ABCC10: variants seen among roughly 807,000 people sequenced by gnomAD.
ABCC10 encodes ATP-binding cassette sub-family C member 10.
In ABCC10, 110 loss-of-function variants were observed where a neutral mutation model predicts 143.2. The ratio of observed to expected loss-of-function variants is 0.77; its 90% CI spans 0.66 to 0.90. ABCC10 has a LOEUF of 0.90. Among genes scored for constraint, ABCC10 ranks in the 40% least tolerant of loss-of-function variants. ABCC10 has a pLI of 0.00. For missense variants in ABCC10, 1,700 were observed against 1,900.5 expected (o/e 0.89, Z 1.96); for synonymous variants, 805 against 846.7 (o/e 0.95, Z 0.85).
intron 4 of ABCC10, 100 bp downstream of exon 4, chr6:43,434,948 C>T: frequency 8.0e-7 from 1 of 1,251,128 alleles, no homozygotes; most frequent in Non-Finnish European, 1.1e-6. Context: ...AGGGAGGGAT[C>T]CCTGACTGCC....
chr6:43,448,839 G>T, intron 18 of ABCC10, 42 bp from the exon 19 acceptor site: 7 of 1,570,512 alleles, frequency 4.5e-6, no homozygotes, highest in Non-Finnish European at 6.0e-6. Context: ...AGCAGAAGTG[G>T]CTACATCTCC....
chr6:43,428,401 C>T (rs1780734089), intron 2 of ABCC10, among the ~76,000 whole-genome samples: 1 of 152,118 alleles, frequency 6.6e-6, no homozygotes, highest in Admixed American at 6.5e-5. Context: ...TTTAAAGGTC[C>T]GATGAGTATC....
rs1780683101 is a variant in ABCC10, at chr6:43,427,975, G to A, written c.-4G>A. On this transcript the variant is annotated 5_prime_UTR_variant, in exon 2 of 22. Transcript: ENST00000372530. Reference sequence around the variant, plus strand: ...CCTCAACTTTCCCTTCAGGTGAGGCGTCCATGGAACGACTTCTGGCCCAGC... The same window carrying A: ...CCTCAACTTTCCCTTCAGGTGAGGCATCCATGGAACGACTTCTGGCCCAGC... The A allele has an allele frequency of 1.2e-6, 2 of 1,612,126 alleles. No individual in the cohort carries two copies. Among genetic ancestry groups the A allele is most frequent in the East Asian group, 2.2e-5 (1 of 44,854 alleles).
At position 43,438,650 on chromosome 6, in the gene ABCC10, G is replaced by A. The variant is rs200082411; in HGVS notation, c.1982G>A (p.Gly661Glu). The A allele has an allele frequency of 6.2e-6, 10 of 1,614,130 alleles. No individual in the cohort carries two copies. The East Asian group carries it at 6.7e-5, about 11-fold the overall frequency. ...HRLRGHVAVRGLSKGFGLATQ... is the reference protein window; with the variant it reads ...HRLRGHVAVRELSKGFGLATQ... ...CTGCGTGGGCATGTGGCAGTGCGGG[G>A]GCTGTCCAAGGGCTTTGGCCTGGCC... Residue 661 changes from glycine (G) to glutamate (E), a missense_variant, in exon 8 of 22, where the codon GGG becomes GAG. Coordinates refer to ENST00000372530, the MANE Select transcript of ABCC10 (RefSeq NM_001198934.2).
chr6:43,451,477 A>G (rs1023858563), downstream of ABCC10, among the ~76,000 whole-genome samples: 9 of 152,360 alleles, frequency 5.9e-5, no homozygotes, highest in African/African-American at 2.2e-4. This position sits in a 1 kb window ranked among gnomAD's most constrained non-coding sequence, Gnocchi z 4.4. Context: ...ATGTCAAGCC[A>G]TTAGCACAGG....
chr6:43,445,234 C>A lies in ABCC10; in HGVS notation c.2950C>A (p.Leu984Ile). 1 of 1,614,136 alleles carries A rather than the reference C, an allele frequency of 6.2e-7. No individual in the cohort carries two copies. The highest frequency in any genetic ancestry group is 8.5e-7 in the Non-Finnish European group (1 of 1,180,018). Residue 984 changes from leucine to isoleucine, a missense_variant, in exon 14 of 22, where the codon CTC (leucine) becomes ATC (isoleucine). Coordinates refer to ENST00000372530, the MANE Select transcript of ABCC10 (RefSeq NM_001198934.2). ...TGGTGTAAATTCCCTCTGCACCCTT[C>A]TCCGGGCAGTGCTCTTTGCAGCAGG... ...IAGVNSLCTL[L>I]RAVLFAAGTL... is the part of the protein sequence containing the mutation.
In ABCC10 at chr6:43,445,856, C is replaced by G. The variant is rs372401088; in HGVS notation, c.3288C>G (p.Gly1096=). 1.1e-5 allele frequency: 18 copies of G among 1,614,004 alleles called. No homozygotes were observed. Among genetic ancestry groups the G allele is most frequent in the Admixed American group, 1.7e-5 (1 of 60,008 alleles). Residue 1096 remains glycine, a synonymous_variant, in exon 15 of 22, where the codon GGC becomes GGG. Transcript: ENST00000372530. The part of the protein sequence containing the change: ...RASSRELRRL[G]SLTLSPLYSH... ...CCTCACGGGAGCTGCGGCGCCTGGG[C>G]AGCCTCACCCTGTCTCCACTGTATA... is the stretch of plus-strand genomic sequence containing the variant.
In ABCC10 at chr6:43,450,329, G is replaced by C. The variant is rs1173228460; in HGVS notation, c.*238G>C. Reference sequence around the variant, plus strand: ...CTCTTGCATCTGGAACGCCAGGTGGGTTTTTCTGGCATAGGAGCCCACTTG... The same window carrying C: ...CTCTTGCATCTGGAACGCCAGGTGGCTTTTTCTGGCATAGGAGCCCACTTG... On this transcript the variant is annotated 3_prime_UTR_variant, in exon 22 of 22. Transcript: ENST00000372530. The surrounding 1 kb of genome is among the most constrained non-coding windows in gnomAD (Gnocchi z 4.5). 1 of 883,528 alleles carries C rather than the reference G, an allele frequency of 1.1e-6. No individual in the cohort carries two copies. The highest frequency in any genetic ancestry group is 3.4e-5 in the Admixed American group (1 of 29,086). The allele number at this position is 883,528 out of a possible 1,614,324, so 54.7% of individuals were successfully genotyped here. A position where few individuals can be genotyped will look rare whatever the true frequency, so the allele number is the denominator to read the frequency against.
chr6:43,437,714 C>T (rs1440811419), intron 6 of ABCC10, among the ~76,000 whole-genome samples: 1 of 152,166 alleles, frequency 6.6e-6, no homozygotes, highest in Non-Finnish European at 1.5e-5. Flanking sequence ...GACAGTGAAA[C>T]TGATAGCCAC....
chr6:43,437,048 C>T (rs956033743), intron 6 of ABCC10, among the ~76,000 whole-genome samples: 7 of 152,100 alleles, frequency 4.6e-5, no homozygotes, highest in Admixed American at 1.3e-4. Context: ...AAGGCAGGAA[C>T]GCAGCTGGAT....
rs745674871 is a variant in ABCC10, at chr6:43,432,502, G to T, written c.522G>T (p.Leu174Phe). 1 of 1,612,126 alleles carries T rather than the reference G, an allele frequency of 6.2e-7. No homozygotes were observed. Among genetic ancestry groups the T allele is most frequent in the Non-Finnish European group, 8.5e-7 (1 of 1,180,032 alleles). ...LLPGPMARLC[L>F]LILQLAALLA... ...CAGGGCCCATGGCCCGCCTATGCTTGCTCATCCTGCAGCTGGCTGCACTCT... is the reference window on the plus strand; with the variant it reads ...CAGGGCCCATGGCCCGCCTATGCTTTCTCATCCTGCAGCTGGCTGCACTCT... Residue 174 changes from leucine to phenylalanine, a missense_variant, in exon 3 of 22, where the codon TTG becomes TTT. Transcript: ENST00000372530.
chr6:43,446,550 G>A, intron 16 of ABCC10, 104 bp downstream of exon 16: 1 of 1,457,678 alleles, frequency 6.9e-7, no homozygotes, highest in Non-Finnish European at 9.0e-7. Flanking sequence ...CTCCCACCCA[G>A]GGTTCCCTGT....
chr6:43,451,313 C>T, downstream of ABCC10: 2 of 1,594,932 alleles, frequency 1.3e-6, no homozygotes, highest in Non-Finnish European at 1.7e-6. This position sits in a 1 kb window ranked among gnomAD's most constrained non-coding sequence, Gnocchi z 4.4. Flanking sequence ...AACCAACTTA[C>T]CAACACCTGT....
Position 43,443,031 on chromosome 6 carries a change from A to G in ABCC10, c.2288A>G (p.His763Arg), listed in dbSNP as rs1009181532. Residue 763 changes from histidine to arginine, a missense_variant, in exon 10 of 22, where the codon CAC (histidine) becomes CGC (arginine). By Grantham distance (29) the His-to-Arg change is conservative. Coordinates refer to ENST00000372530, the MANE Select transcript of ABCC10 (RefSeq NM_001198934.2). The surrounding 1 kb of genome is among the most constrained non-coding windows in gnomAD (Gnocchi z 4.2). Reference protein sequence around the residue: ...LAAVDADVANHLLHRCILGML... With the variant: ...LAAVDADVANRLLHRCILGML... Reference sequence around the variant, plus strand: ...GCTGTGGATGCAGATGTGGCCAACCACCTGCTGCACAGGTGCATCCTGGGC... The same window carrying G: ...GCTGTGGATGCAGATGTGGCCAACCGCCTGCTGCACAGGTGCATCCTGGGC... 4.3e-6 allele frequency: 7 copies of G among 1,612,326 alleles called. No homozygotes were observed. In the African/African-American group the frequency reaches 8.0e-5, roughly 18 times the overall value.
Position 43,432,865 on chromosome 6 carries a change from G to T in ABCC10, c.885G>T (p.Gly295=), listed in dbSNP as rs763744091. ...CACTTGGACTGCTGAAGCTGGTGGG[G>T]ACCATGTTGGGATTCTCAGGGCCCC... is the stretch of plus-strand genomic sequence containing the variant. ...YLALGLLKLV[G]TMLGFSGPLL... The change falls in exon 3 of 22, where the codon GGG becomes GGT. Residue 295 remains glycine (G), a synonymous_variant. Transcript: ENST00000372530. 31 of 1,614,062 alleles carry T rather than the reference G, an allele frequency of 1.9e-5. No individual in the cohort carries two copies. The highest frequency in any genetic ancestry group is 6.7e-5 in the Admixed American group (4 of 60,000).
downstream of ABCC10, chr6:43,450,551 G>A: frequency 2.6e-6 from 4 of 1,563,326 alleles, no homozygotes; most frequent in Non-Finnish European, 3.5e-6. The surrounding 1 kb of genome is among the most constrained non-coding windows in gnomAD (Gnocchi z 4.5). Flanking sequence ...ACAGTGCTGT[G>A]GTCTTTCCAG....
intron 8 of ABCC10, 123 bp downstream of exon 8, chr6:43,438,918 T>C: frequency 1.7e-6 from 2 of 1,208,738 alleles, no homozygotes; most frequent in Non-Finnish European, 2.3e-6. Flanking sequence ...TATCTAGGAA[T>C]GGCCATCGGA....
intron 9 of ABCC10, 90 bp from the exon 10 acceptor site, chr6:43,442,879 GT>G: frequency 1.6e-6 from 2 of 1,231,328 alleles, no homozygotes. Flanking sequence ...AGCCCCCAGA[GT>G]TTCTCTCAAC....
chr6:43,435,305 G>C (rs1445159362), intron 4 of ABCC10: 1 of 182,240 alleles, frequency 5.5e-6, no homozygotes, highest in Non-Finnish European at 1.2e-5. Context: ...GGCCAAGGCA[G>C]GCGGATCACC....
Sources: gnomAD v4.1 joint callset for allele counts (sites outside exome capture counted in the v4.1 genomes callset) on GRCh38, gnomAD v4.1.1 for gene constraint, Gnocchi (gnomAD v3.1) non-coding constraint, MANE v1.5 for transcripts, NCBI Gene and HGNC (gene_info 2026-07-23, HGNC 2026-07-21) for gene names.